Variants in VEZT observed in about 807,000 individuals in gnomAD.
VEZT encodes vezatin.
Under a neutral mutation model 79.9 loss-of-function variants are expected in VEZT, and 39 were observed. That is an observed-to-expected ratio of 0.49 (90% CI 0.38 to 0.64). The LOEUF is 0.64. Ranked by LOEUF, VEZT falls within the 30% of genes least tolerant of loss-of-function variation. VEZT has a pLI of 0.00. For missense variants in VEZT, 837 were observed against 893.1 expected (o/e 0.94, Z 0.80); for synonymous variants, 325 against 327.6 (o/e 0.99, Z 0.09).
chr12:95,243,486 G>C (rs2061322929), intron 1 of VEZT, among the ~76,000 whole-genome samples: 1 of 151,356 alleles, frequency 6.6e-6, no homozygotes, highest in Admixed American at 6.6e-5. Flanking sequence ...TTTTTTCTTG[G>C]TGTATTTTAA....
At chr12:95,287,074 C>G (rs2071134293) in intron 8 of VEZT, among the ~76,000 whole-genome samples, 1 of 152,066 alleles carries the variant, frequency 6.6e-6, no homozygotes, top group African/African-American at 2.4e-5. Flanking sequence ...TTATGAATAG[C>G]AGATGAGTTT....
chr12:95,218,629 G>T (rs2057087132), intron 1 of VEZT: 1 of 152,186 alleles, frequency 6.6e-6, no homozygotes, highest in Admixed American at 6.5e-5. Flanking sequence ...TATGTGTATT[G>T]CATGTATACG....
At chr12:95,298,451 G>A (rs1184518541) in intron 11 of VEZT, among the ~76,000 whole-genome samples, 1 of 152,112 alleles carries the variant, frequency 6.6e-6, no homozygotes, top group African/African-American at 2.4e-5. Context: ...TATATGTTCA[G>A]GGTTTTGTTT....
intron 8 of VEZT, among the ~76,000 whole-genome samples, chr12:95,284,495 C>T (rs1202743176): frequency 1.3e-5 from 2 of 152,186 alleles, no homozygotes; most frequent in Non-Finnish European, 2.9e-5. Context: ...TTTGCTTTCT[C>T]ACTTCACTGA....
At chr12:95,296,452 G>T in intron 11 of VEZT, 194 bp downstream of exon 11, 1 of 410,784 alleles carries the variant, frequency 2.4e-6, no homozygotes, top group Non-Finnish European at 4.2e-6. Context: ...TTGGAAATAT[G>T]AAGTCATACT....
chr12:95,295,699 G>A (rs2073991424), intron 10 of VEZT, among the ~76,000 whole-genome samples: 1 of 152,094 alleles, frequency 6.6e-6, no homozygotes, highest in South Asian at 2.1e-4. Context: ...AAACATGCCT[G>A]ACCACCTCCC....
At chr12:95,279,466 T>A (rs2068511745) in intron 7 of VEZT, among the ~76,000 whole-genome samples, 2 of 152,236 alleles carry the variant, frequency 1.3e-5, no homozygotes, top group Admixed American at 1.3e-4. Context: ...ATCAAAATTT[T>A]CTGTTTACCT....
chr12:95,272,324 A>G (rs1273772682), intron 6 of VEZT, among the ~76,000 whole-genome samples: 1 of 152,204 alleles, frequency 6.6e-6, no homozygotes, highest in Non-Finnish European at 1.5e-5. Flanking sequence ...AGGAGCTGAC[A>G]TTTAAACTGA....
intron 6 of VEZT, among the ~76,000 whole-genome samples, chr12:95,272,632 C>T (rs1224880315): frequency 6.6e-6 from 1 of 152,124 alleles, no homozygotes; most frequent in African/African-American, 2.4e-5. Flanking sequence ...AAGTAAAGAG[C>T]AGAAATATAC....
At chr12:95,291,604 A>G (rs1302433540) in intron 9 of VEZT, among the ~76,000 whole-genome samples, 1 of 152,178 alleles carries the variant, frequency 6.6e-6, no homozygotes, top group Non-Finnish European at 1.5e-5. Context: ...GTGTTCTAGG[A>G]AAAATGTATT....
chr12:95,270,896 T>G (rs767193801), intron 6 of VEZT, among the ~76,000 whole-genome samples: 2 of 152,184 alleles, frequency 1.3e-5, no homozygotes, highest in African/African-American at 4.8e-5. Context: ...TAAAGACATA[T>G]AGATAAGTTA....
At chr12:95,270,317 C>A in intron 6 of VEZT, 129 bp downstream of exon 6, 1 of 954,194 alleles carries the variant, frequency 1.0e-6, no homozygotes. Context: ...TTTCCATCAT[C>A]AATTCTATGT....
intron 4 of VEZT, chr12:95,263,715 A>T (rs2064973521): frequency 6.6e-6 from 1 of 152,202 alleles, no homozygotes; most frequent in Non-Finnish European, 1.5e-5. Context: ...ATGCAAACCT[A>T]ACCTTCTTTG....
At chr12:95,224,766 AC>A (rs765906369) in intron 1 of VEZT, among the ~76,000 whole-genome samples, 9 of 152,172 alleles carry the variant, frequency 5.9e-5, no homozygotes, top group Non-Finnish European at 1.2e-4. Context: ...GTACTGTGTC[AC>A]CCATACATCC....
chr12:95,222,148 G>A (rs942047140), intron 1 of VEZT, among the ~76,000 whole-genome samples: 1 of 152,058 alleles, frequency 6.6e-6, no homozygotes, highest in African/African-American at 2.4e-5. Context: ...TCTTTTAATC[G>A]TGTCTTTCAA....
At chr12:95,246,736 T>C (rs1176509281) in intron 1 of VEZT, among the ~76,000 whole-genome samples, 1 of 152,216 alleles carries the variant, frequency 6.6e-6, no homozygotes, top group Non-Finnish European at 1.5e-5. Context: ...ATGCTGTGTC[T>C]GAGGTTTCTC....
At chr12:95,229,511 C>G (rs899645163) in intron 1 of VEZT, among the ~76,000 whole-genome samples, 1 of 152,054 alleles carries the variant, frequency 6.6e-6, no homozygotes, top group Non-Finnish European at 1.5e-5. Flanking sequence ...CCATATCATC[C>G]TTTGGTATGA....
chr12:95,278,622 A>G (rs570648993), intron 7 of VEZT, among the ~76,000 whole-genome samples: 2 of 152,368 alleles, frequency 1.3e-5, no homozygotes, highest in East Asian at 3.9e-4. Flanking sequence ...TAAAGAAAAT[A>G]CATTTTGGAT....
chr12:95,282,571 A>T lies in VEZT; in HGVS notation c.1255A>T (p.Lys419Ter). 1 of 1,614,014 alleles carries T rather than the reference A, an allele frequency of 6.2e-7. No individual in the cohort carries two copies. Among genetic ancestry groups the T allele is most frequent in the Non-Finnish European group, 8.5e-7 (1 of 1,179,878 alleles). ...GCAGTGTTTATCCAAAACTCAACAG[A>T]AGTCAAGAGAACTGAATAATGTTCA... The part of the protein sequence containing the change: ...VPQCLSKTQQ[K>*]SRELNNVHTA... The change falls in exon 8 of 12, where the codon AAG becomes TAG. Residue 419 changes from lysine (K) to a stop codon, truncating the protein, a stop_gained. Transcript: ENST00000436874. LOFTEE classifies it high-confidence loss of function.
Sources: allele counts gnomAD v4.1 joint callset (sites outside exome capture counted in the v4.1 genomes callset), GRCh38; gene constraint gnomAD v4.1.1; transcripts MANE v1.5; gene names NCBI Gene and HGNC (gene_info 2026-07-23, HGNC 2026-07-21).